RAP1A: variants seen among roughly 807,000 people sequenced by gnomAD.
The protein encoded by RAP1A is RAP1A, member of RAS oncogene family, also known as ras-related protein Rap-1A.
Under a neutral mutation model 26.4 loss-of-function variants are expected in RAP1A, and 6 were observed. The observed-to-expected ratio is 0.23, with a 90% CI of 0.12 to 0.45. The LOEUF is 0.45. Ranked by LOEUF, RAP1A falls within the 20% of genes least tolerant of loss-of-function variation. RAP1A has a pLI of 0.99. For synonymous variants in RAP1A, 73 were observed against 79.4 expected, an observed-to-expected ratio of 0.92 and a Z score of 0.43; for missense variants, 121 against 217.2, an observed-to-expected ratio of 0.56 and a Z score of 2.78.
chr1:111,712,425 T>G lies in RAP1A; in HGVS notation c.*30-6T>G, dbSNP rs1219630813. 1.3e-5 allele frequency: 2 copies of G among 152,538 alleles called. No individual in the cohort carries two copies. Among genetic ancestry groups the G allele is most frequent in the Non-Finnish European group, 2.9e-5 (2 of 67,930 alleles). The allele number at this position is 152,538 out of a possible 1,614,324, so 9.4% of individuals were successfully genotyped here. ...CATATATGTATATCTGTATCCAATG[T>G]CTTAGATTACAGGAATGAAGAACTG... On this transcript the variant is annotated splice_polypyrimidine_tract_variant and splice_region_variant and intron_variant, in intron 7 of 7. Coordinates refer to ENST00000369709, the MANE Select transcript of RAP1A (RefSeq NM_002884.4).
chr1:111,703,304 A>G (rs1486816909), intron 4 of RAP1A, 32 bp from the exon 5 acceptor site: 1 of 1,380,502 alleles, frequency 7.2e-7, no homozygotes, highest in Non-Finnish European at 9.7e-7. Context: ...AGAAATTTAT[A>G]TATTTATAAT....
chr1:111,588,427 C>T (rs1025671768), intron 1 of RAP1A, among the ~76,000 whole-genome samples: 3 of 152,138 alleles, frequency 2.0e-5, no homozygotes, highest in African/African-American at 7.2e-5. Flanking sequence ...TGTTTTTTCC[C>T]TGTTTAAAAA....
chr1:111,654,195 G>A (rs1192308783), intron 1 of RAP1A, among the ~76,000 whole-genome samples: 1 of 152,140 alleles, frequency 6.6e-6, no homozygotes, highest in Non-Finnish European at 1.5e-5. Context: ...AAGGATTTTA[G>A]TTCATTGCAT....
chr1:111,671,301 A>G (rs780061782), intron 1 of RAP1A, among the ~76,000 whole-genome samples: 1 of 152,176 alleles, frequency 6.6e-6, no homozygotes, highest in Non-Finnish European at 1.5e-5. Context: ...TCAAAGGGCT[A>G]GATGACCATA....
At chr1:111,678,453 G>A (rs1322309604) in intron 1 of RAP1A, among the ~76,000 whole-genome samples, 1 of 152,178 alleles carries the variant, frequency 6.6e-6, no homozygotes, top group Admixed American at 6.5e-5. Flanking sequence ...ATAATGGGGA[G>A]AAATGCCTTG....
At chr1:111,647,796 A>G (rs1370294117) in intron 1 of RAP1A, among the ~76,000 whole-genome samples, 1 of 152,030 alleles carries the variant, frequency 6.6e-6, no homozygotes. Flanking sequence ...TAGCCTCTCA[A>G]AGTGCTAGGA....
chr1:111,577,657 G>A (rs1219971880), intron 1 of RAP1A, among the ~76,000 whole-genome samples: 1 of 151,706 alleles, frequency 6.6e-6, no homozygotes, highest in Non-Finnish European at 1.5e-5. Flanking sequence ...GTTTCACCTG[G>A]GCAAGATCCT....
intron 1 of RAP1A, among the ~76,000 whole-genome samples, chr1:111,623,760 G>C (rs1167210602): frequency 6.6e-6 from 1 of 152,170 alleles, no homozygotes; most frequent in Non-Finnish European, 1.5e-5. Context: ...GACGACACCA[G>C]CCAGTTTTGA....
intron 1 of RAP1A, among the ~76,000 whole-genome samples, chr1:111,620,836 G>T (rs1659179854): frequency 6.6e-6 from 1 of 152,164 alleles, no homozygotes; most frequent in Non-Finnish European, 1.5e-5. Flanking sequence ...GGTGTCTTCA[G>T]CCGAGTTGTG....
At chr1:111,634,599 T>TTATA (rs141253898) in intron 1 of RAP1A, among the ~76,000 whole-genome samples, 8 of 149,806 alleles carry the variant, frequency 5.3e-5, no homozygotes, top group East Asian at 1.9e-4. Flanking sequence ...AACTTTACAT[T>TTATA]TATATATATA....
upstream of RAP1A, among the ~76,000 whole-genome samples, chr1:111,618,829 T>C (rs1659070670): frequency 6.6e-6 from 1 of 151,994 alleles, no homozygotes; most frequent in Admixed American, 6.6e-5. Flanking sequence ...CTAAATAAAA[T>C]AAAATAAAAT....
chr1:111,544,669 G>A (rs563923770), intron 1 of RAP1A, among the ~76,000 whole-genome samples: 2 of 152,264 alleles, frequency 1.3e-5, no homozygotes, highest in East Asian at 1.9e-4. Context: ...GAACATTGGT[G>A]TACAAGTTTT....
chr1:111,694,410 A>G (rs1055172359), intron 2 of RAP1A, among the ~76,000 whole-genome samples: 4 of 152,250 alleles, frequency 2.6e-5, no homozygotes, highest in South Asian at 2.1e-4. Context: ...ATTTAAGTGT[A>G]GATGACCTCA....
At chr1:111,581,281 T>C (rs1658252461) in intron 1 of RAP1A, among the ~76,000 whole-genome samples, 2 of 152,104 alleles carry the variant, frequency 1.3e-5, no homozygotes, top group African/African-American at 2.4e-5. Context: ...GAGCCAATAG[T>C]GGCTAAACAT....
upstream of RAP1A, among the ~76,000 whole-genome samples, chr1:111,615,811 CAGAG>C (rs1659003099): frequency 7.7e-6 from 1 of 130,206 alleles, no homozygotes; most frequent in South Asian, 2.4e-4. Context: ...AGCCTGGTGA[CAGAG>C]TGAGACTCTG....
intron 1 of RAP1A, among the ~76,000 whole-genome samples, chr1:111,545,576 AC>A (rs1418086774): frequency 4.6e-5 from 7 of 152,094 alleles, no homozygotes; most frequent in African/African-American, 1.7e-4. Context: ...TCTGGTTTGT[AC>A]TTTTACTTTC....
At chr1:111,710,524 C>CTCCAGTTGGAGTAAACTGGT (rs1553229482) in intron 7 of RAP1A, among the ~76,000 whole-genome samples, 2 of 152,206 alleles carry the variant, frequency 1.3e-5, no homozygotes, top group African/African-American at 2.4e-5. Flanking sequence ...TAAACTTGGT[C>CTCCAGTTGGAGTAAACTGGT]TCCAGTTGGA....
intron 1 of RAP1A, among the ~76,000 whole-genome samples, chr1:111,610,827 T>G (rs1285197024): frequency 1.3e-5 from 2 of 152,236 alleles, no homozygotes; most frequent in East Asian, 3.8e-4. Context: ...ATTGAGTGCT[T>G]ACTTTGAAAA....
At chr1:111,686,353 C>T (rs1212831131) in intron 1 of RAP1A, among the ~76,000 whole-genome samples, 2 of 152,060 alleles carry the variant, frequency 1.3e-5, no homozygotes, top group Non-Finnish European at 1.5e-5. Flanking sequence ...AATTCCAACA[C>T]TTTGGGAGGC....
Sources: gnomAD v4.1 joint callset for allele counts (sites outside exome capture counted in the v4.1 genomes callset) on GRCh38, gnomAD v4.1.1 for gene constraint, MANE v1.5 for transcripts, NCBI Gene and HGNC (gene_info 2026-07-23, HGNC 2026-07-21) for gene names.